The following CYYR1 variants were observed in gnomAD, a reference collection of about 807,000 sequenced individuals.
CYYR1 encodes the protein cysteine and tyrosine-rich protein 1.
CYYR1 carries 14 observed loss-of-function variants against 15.2 expected under a neutral mutation model. The ratio of observed to expected loss-of-function variants is 0.92; its 90% CI spans 0.61 to 1.44. The LOEUF is 1.44. Among genes scored for constraint, CYYR1 ranks in the 40% most tolerant of loss-of-function variants. The pLI, the probability that CYYR1 is intolerant of heterozygous loss-of-function variation, is 0.00. For missense variants in CYYR1, 228 were observed against 209.5 expected (o/e 1.09, Z -0.54); for synonymous variants, 80 against 77.4 (o/e 1.03, Z -0.18).
chr21:26,531,150 C>T (rs73180809), intron 2 of CYYR1, among the ~76,000 whole-genome samples: 24 of 152,220 alleles, frequency 1.6e-4, no homozygotes, highest in South Asian at 1.2e-3. Flanking sequence ...TCCATTATTA[C>T]GCTAATAAAA....
chr21:26,552,354 T>C (rs372464521), intron 2 of CYYR1, among the ~76,000 whole-genome samples: 3 of 152,154 alleles, frequency 2.0e-5, no homozygotes, highest in Non-Finnish European at 2.9e-5. Context: ...GTATATCTTT[T>C]TCCATCCTTT....
At chr21:26,508,982 T>C (rs937864107) in intron 2 of CYYR1, among the ~76,000 whole-genome samples, 1 of 152,198 alleles carries the variant, frequency 6.6e-6, no homozygotes, top group African/African-American at 2.4e-5. Flanking sequence ...ACACTCTCCA[T>C]TGTAAATAAC....
intron 2 of CYYR1, among the ~76,000 whole-genome samples, chr21:26,540,323 T>C (rs1978458041): frequency 6.6e-6 from 1 of 152,182 alleles, no homozygotes; most frequent in African/African-American, 2.4e-5. Flanking sequence ...TAGCGTTCCA[T>C]TGATAAGGCT....
At chr21:26,526,195 C>A (rs1013130377) in intron 2 of CYYR1, among the ~76,000 whole-genome samples, 5 of 152,108 alleles carry the variant, frequency 3.3e-5, no homozygotes, top group Admixed American at 2.6e-4. Context: ...TGCCTGTAAT[C>A]CTAGCACTTT....
intron 2 of CYYR1, among the ~76,000 whole-genome samples, chr21:26,509,984 A>G (rs1351034786): frequency 6.6e-6 from 1 of 152,186 alleles, no homozygotes; most frequent in Non-Finnish European, 1.5e-5. Flanking sequence ...GTGTGATGCA[A>G]TGTAGGGAGC....
At chr21:26,536,767 G>A (rs188082785) in intron 2 of CYYR1, among the ~76,000 whole-genome samples, 7 of 152,064 alleles carry the variant, frequency 4.6e-5, no homozygotes, top group East Asian at 1.9e-4. Context: ...TCCTTTAACC[G>A]GGTCTGTTTT....
chr21:26,504,533 C>T (rs185696255), intron 2 of CYYR1, among the ~76,000 whole-genome samples: 1 of 152,082 alleles, frequency 6.6e-6, no homozygotes, highest in Admixed American at 6.5e-5. Context: ...TTTGTGAGTA[C>T]ATAGTAGGTG....
chr21:26,569,142 G>A (rs1317809479), intron 1 of CYYR1: 3 of 151,976 alleles, frequency 2.0e-5, no homozygotes, highest in South Asian at 2.1e-4. Context: ...TTGTACATTC[G>A]TCACAGCACT....
intron 2 of CYYR1, among the ~76,000 whole-genome samples, chr21:26,540,936 G>T (rs1978509284): frequency 6.6e-6 from 1 of 152,138 alleles, no homozygotes. Flanking sequence ...TCAGCAGAGA[G>T]ATTGCAACTT....
intron 2 of CYYR1, among the ~76,000 whole-genome samples, chr21:26,534,788 A>G (rs1323436081): frequency 6.6e-6 from 1 of 152,138 alleles, no homozygotes; most frequent in Non-Finnish European, 1.5e-5. Flanking sequence ...CTGCACTGTT[A>G]TAAAAGATGC....
chr21:26,508,834 A>C (rs748646725), intron 2 of CYYR1, among the ~76,000 whole-genome samples: 1 of 152,172 alleles, frequency 6.6e-6, no homozygotes, highest in Admixed American at 6.5e-5. Flanking sequence ...ATTGCAGCTT[A>C]AGGTATTAGG....
intron 2 of CYYR1, chr21:26,550,513 G>A (rs992341035): frequency 6.6e-6 from 1 of 152,212 alleles, no homozygotes; most frequent in Non-Finnish European, 1.5e-5. Flanking sequence ...GCACCAGGGA[G>A]CCAAGTTGTG....
At chr21:26,553,639 A>C (rs983635583) in intron 2 of CYYR1, among the ~76,000 whole-genome samples, 1 of 152,134 alleles carries the variant, frequency 6.6e-6, no homozygotes, top group African/African-American at 2.4e-5. Context: ...CTGGTTCCCC[A>C]ATCCACCTGC....
At chr21:26,505,681 G>A (rs1158498682) in intron 2 of CYYR1, among the ~76,000 whole-genome samples, 1 of 152,202 alleles carries the variant, frequency 6.6e-6, no homozygotes, top group Non-Finnish European at 1.5e-5. Context: ...CTGAGTTTAT[G>A]AGGGCAGTGG....
At chr21:26,564,535 T>C (rs1051268579) in intron 2 of CYYR1, 16 of 374,812 alleles carry the variant, frequency 4.3e-5, no homozygotes, top group African/African-American at 2.6e-4. Context: ...AGATTAAAGA[T>C]ATAGAACATG....
intron 2 of CYYR1, among the ~76,000 whole-genome samples, chr21:26,508,406 A>G (rs1483564325): frequency 6.6e-6 from 1 of 152,112 alleles, no homozygotes; most frequent in Non-Finnish European, 1.5e-5. Flanking sequence ...ACTAGATTTG[A>G]GGTTGGGTTG....
chr21:26,566,131 C>T, intron 2 of CYYR1, 135 bp downstream of exon 2: 1 of 618,428 alleles, frequency 1.6e-6, no homozygotes, highest in Admixed American at 2.8e-5. Flanking sequence ...TTAATATCTC[C>T]AGTAAAGATT....
chr21:26,549,994 T>A lies in CYYR1; in HGVS notation c.176+16272A>T, dbSNP rs118043027. On this transcript the variant is annotated intron_variant, in intron 2 of 3. Transcript: ENST00000652641. ...CACAGATATTATGTTATTTATAAAT[T>A]GAAGATCTGTGGCAGCCCTTCATTG... 8.3e-3 allele frequency among the ~76,000 whole-genome samples: 1,264 copies of A among 152,318 alleles called. 43 individuals are homozygous for A. The highest frequency in any genetic ancestry group is 0.059 in the Admixed American group (906 of 15,300).
rs1180574586 is a variant in CYYR1 at position 26,516,616 on chromosome 21, G to A, written c.177-36187C>T. ...TAATTGTCTGTTTAAATAGGCAATA[G>A]TATCTGTACATATTATGTATGATAA... On this transcript the variant is annotated intron_variant, in intron 2 of 3. Coordinates refer to ENST00000652641, the MANE Select transcript of CYYR1 (RefSeq NM_001320768.2). Among the ~76,000 whole-genome samples the A allele has an allele frequency of 2.0e-5, 3 of 152,188 alleles. No homozygotes were observed. In the East Asian group the frequency reaches 5.8e-4, roughly 29 times the overall value.
Sources: allele counts gnomAD v4.1 joint callset (sites outside exome capture counted in the v4.1 genomes callset), GRCh38; gene constraint gnomAD v4.1.1; transcripts MANE v1.5; gene names NCBI Gene and HGNC (gene_info 2026-07-23, HGNC 2026-07-21).